Variants in FRMD4A observed in about 807,000 individuals in gnomAD.
FRMD4A encodes the protein FERM domain-containing protein 4A.
Under a neutral mutation model 129.1 loss-of-function variants are expected in FRMD4A, and 29 were observed. The observed-to-expected ratio is 0.22, with a 90% CI of 0.17 to 0.31. The LOEUF (loss-of-function observed/expected upper bound fraction) is 0.31, where lower values mean the gene tolerates loss of function less well. Ranked by LOEUF, FRMD4A falls within the 10% of genes least tolerant of loss-of-function variation. FRMD4A has a pLI of 1.00. For missense variants in FRMD4A, 1,272 were observed against 1,375.8 expected, an observed-to-expected ratio of 0.92 and a Z score of 1.19; for synonymous variants, 634 against 571.6, an observed-to-expected ratio of 1.11 and a Z score of -1.56.
chr10:14,148,545 C>T (rs1840189999), intron 2 of FRMD4A, among the ~76,000 whole-genome samples: 1 of 152,094 alleles, frequency 6.6e-6, no homozygotes, highest in African/African-American at 2.4e-5. Flanking sequence ...GGGTGGACCA[C>T]AAGGTCAGGA....
intron 4 of FRMD4A, among the ~76,000 whole-genome samples, chr10:13,798,001 C>G (rs1326552533): frequency 6.6e-6 from 1 of 152,046 alleles, no homozygotes; most frequent in Non-Finnish European, 1.5e-5. Flanking sequence ...GAATAGTGAC[C>G]ACCTGAAGAA....
chr10:14,047,475 T>A (rs757438354), intron 2 of FRMD4A, among the ~76,000 whole-genome samples: 4 of 152,182 alleles, frequency 2.6e-5, no homozygotes, highest in Non-Finnish European at 5.9e-5. Context: ...CAGAGGCTGA[T>A]GGAGGATTGA....
In FRMD4A at chr10:13,657,042, C is replaced by T. The variant is rs1393989023; in HGVS notation, c.2547G>A (p.Val849=). 6.4e-7 allele frequency: 1 copy of T among 1,571,448 alleles called. No individual in the cohort carries two copies. Among genetic ancestry groups the T allele is most frequent in the Non-Finnish European group, 8.6e-7 (1 of 1,165,584 alleles). ...LYIEGGATPV[V]VRSLESDQEG... is the part of the protein sequence containing the mutation. ...CCTGGTCGCTCTCCAGGCTGCGCAC[C>T]ACCACGGGCGTGGCGCCGCCCTCGA... The change falls in exon 22 of 25, where the codon GTG becomes GTA. Residue 849 remains valine, a synonymous_variant. Transcript: ENST00000357447.
At chr10:14,124,291 A>G (rs970454291) in intron 2 of FRMD4A, among the ~76,000 whole-genome samples, 1 of 152,212 alleles carries the variant, frequency 6.6e-6, no homozygotes, top group South Asian at 2.1e-4. Context: ...TCCAGGTGCC[A>G]TGATCATTGC....
In FRMD4A at chr10:13,963,394, A is replaced by G. The variant is rs1461580393; in HGVS notation, c.46-104482T>C. On this transcript the variant is annotated intron_variant, in intron 2 of 24. Coordinates refer to ENST00000357447, the MANE Select transcript of FRMD4A (RefSeq NM_018027.5). The stretch of plus-strand genomic sequence containing the variant: ...CGCTCTTTAAAACATACATTGCCAT[A>G]ACGAAATGATGAAAGGGGAACAGCA... 2.0e-5 allele frequency among the ~76,000 whole-genome samples: 3 copies of G among 152,034 alleles called. No individual in the cohort carries two copies. The East Asian group carries it at 5.8e-4, about 29-fold the overall frequency.
chr10:13,715,766 C>T (rs923859366), intron 12 of FRMD4A, among the ~76,000 whole-genome samples: 2 of 151,916 alleles, frequency 1.3e-5, no homozygotes, highest in Admixed American at 6.6e-5. Flanking sequence ...ATTAGCAAGG[C>T]GTGGTGGCAT....
In FRMD4A at chr10:14,109,592, T is replaced by C. The variant is rs903662635; in HGVS notation, c.45+220466A>G. Among the ~76,000 whole-genome samples, 4 of 152,236 alleles carry C rather than the reference T, an allele frequency of 2.6e-5. No homozygotes were observed. The East Asian group carries it at 7.7e-4, about 29-fold the overall frequency. ...AGTGTGTTTCCCTTTGTGTCTAAGC[T>C]GCCAGAAAAATTGGAGCAAAATTCA... On this transcript the variant is annotated intron_variant, in intron 2 of 24. Coordinates refer to ENST00000357447, the MANE Select transcript of FRMD4A (RefSeq NM_018027.5).
chr10:13,976,320 G>A (rs1457232450), intron 2 of FRMD4A, among the ~76,000 whole-genome samples: 3 of 152,178 alleles, frequency 2.0e-5, no homozygotes, highest in Non-Finnish European at 2.9e-5. Context: ...ACCTGGGAGG[G>A]AGGCAGGTGT....
In FRMD4A at chr10:14,159,376, CA is replaced by C. The variant is rs897472688; in HGVS notation, c.45+170681del. 1.9e-4 allele frequency among the ~76,000 whole-genome samples: 28 copies of C among 151,150 alleles called. No homozygotes were observed. The South Asian group carries it at 3.5e-3, about 19-fold the overall frequency. ...AAGAAATCTCACTTACAATTGCTGC[CA>C]AAAAAAATAAAATACTGAGGAAGAA... On this transcript the variant is annotated intron_variant, in intron 2 of 24. Coordinates refer to ENST00000357447, the MANE Select transcript of FRMD4A (RefSeq NM_018027.5).
chr10:14,237,204 C>T (rs908222241), intron 2 of FRMD4A, among the ~76,000 whole-genome samples: 8 of 151,988 alleles, frequency 5.3e-5, no homozygotes, highest in Non-Finnish European at 7.4e-5. Flanking sequence ...AGCACTGTCA[C>T]GGTAAGCCAA....
chr10:13,681,670 C>T (rs2134762672), intron 15 of FRMD4A, among the ~76,000 whole-genome samples: 1 of 152,240 alleles, frequency 6.6e-6, no homozygotes, highest in South Asian at 2.1e-4. Flanking sequence ...TGTTATGTAG[C>T]TTCCTCTAAA....
intron 2 of FRMD4A, among the ~76,000 whole-genome samples, chr10:13,925,722 T>C (rs1280022076): frequency 6.6e-6 from 1 of 151,418 alleles, no homozygotes; most frequent in African/African-American, 2.4e-5. Flanking sequence ...GAGCTGGGAC[T>C]ACAGGCACGC....
At chr10:14,325,008 C>T (rs1843214072) in intron 2 of FRMD4A, among the ~76,000 whole-genome samples, 1 of 152,198 alleles carries the variant, frequency 6.6e-6, no homozygotes, top group Non-Finnish European at 1.5e-5. Flanking sequence ...TGGGCAAGCC[C>T]TTTGACTTCT....
chr10:13,834,203 G>T (rs1195082872), intron 3 of FRMD4A, among the ~76,000 whole-genome samples: 1 of 152,152 alleles, frequency 6.6e-6, no homozygotes, highest in East Asian at 1.9e-4. Context: ...GGTGGAGGTT[G>T]CAGTGGGCTG....
At chr10:13,880,528 C>A (rs1408022007) in intron 2 of FRMD4A, among the ~76,000 whole-genome samples, 1 of 152,198 alleles carries the variant, frequency 6.6e-6, no homozygotes, top group Non-Finnish European at 1.5e-5. Flanking sequence ...GGACCAGGGG[C>A]TCCCCAGCTC....
intron 2 of FRMD4A, among the ~76,000 whole-genome samples, chr10:13,958,440 T>C (rs1269689954): frequency 2.7e-5 from 4 of 147,358 alleles, no homozygotes; most frequent in Non-Finnish European, 6.0e-5. Flanking sequence ...CCCGCCACCA[T>C]GCCTGGCTAA....
chr10:13,865,026 G>A (rs977139510), intron 2 of FRMD4A, among the ~76,000 whole-genome samples: 1 of 152,112 alleles, frequency 6.6e-6, no homozygotes, highest in African/African-American at 2.4e-5. Context: ...CCAGGCTGGT[G>A]TGCAATGGTG....
chr10:13,789,804 T>TGTATGTG (rs1554898662), intron 5 of FRMD4A, among the ~76,000 whole-genome samples: 5 of 104,110 alleles, frequency 4.8e-5, no homozygotes, highest in African/African-American at 1.7e-4. Context: ...TGTGTGTGTG[T>TGTATGTG]TGTGTGGTGA....
intron 2 of FRMD4A, among the ~76,000 whole-genome samples, chr10:14,139,188 G>T (rs1443742790): frequency 1.3e-5 from 2 of 152,126 alleles, no homozygotes; most frequent in African/African-American, 4.8e-5. Flanking sequence ...TTATTTTTTT[G>T]GAATTTGGCA....
Sources: gnomAD v4.1 joint callset for allele counts (sites outside exome capture counted in the v4.1 genomes callset) on GRCh38, gnomAD v4.1.1 for gene constraint, MANE v1.5 for transcripts, NCBI Gene and HGNC (gene_info 2026-07-23, HGNC 2026-07-21) for gene names.